Variants in ERBB4 observed in about 807,000 individuals in gnomAD.
ERBB4 encodes erb-b2 receptor tyrosine kinase 4.
ERBB4 carries 42 observed loss-of-function variants against 158.0 expected under a neutral mutation model. The ratio of observed to expected loss-of-function variants is 0.27; its 90% CI spans 0.21 to 0.34. The LOEUF (loss-of-function observed/expected upper bound fraction) is 0.34, where lower values mean the gene tolerates loss of function less well. Ranked by LOEUF, ERBB4 falls within the 10% of genes least tolerant of loss-of-function variation. The pLI, the probability that ERBB4 is intolerant of heterozygous loss-of-function variation, is 1.00. For synonymous variants in ERBB4, 583 were observed against 558.7 expected, an observed-to-expected ratio of 1.04 and a Z score of -0.61; for missense variants, 1,333 against 1,624.1, an observed-to-expected ratio of 0.82 and a Z score of 3.08.
intron 2 of ERBB4, among the ~76,000 whole-genome samples, chr2:212,020,217 A>G (rs2125326143): frequency 6.6e-6 from 1 of 152,234 alleles, no homozygotes; most frequent in African/African-American, 2.4e-5. Context: ...AGATTTCTTC[A>G]AAGTTCAGTA....
intron 25 of ERBB4, among the ~76,000 whole-genome samples, chr2:211,413,347 C>T (rs1287642845): frequency 2.6e-5 from 3 of 116,756 alleles, no homozygotes; most frequent in Admixed American, 8.6e-5. Context: ...CACACACACA[C>T]ATTGATAAAA....
intron 2 of ERBB4, among the ~76,000 whole-genome samples, chr2:211,949,967 T>C (rs2080830210): frequency 6.6e-6 from 1 of 152,138 alleles, no homozygotes; most frequent in South Asian, 2.1e-4. Context: ...AGCACTTTGG[T>C]TTGTTAACTT....
chr2:212,424,439 C>T (rs1194980687), intron 1 of ERBB4, among the ~76,000 whole-genome samples: 1 of 152,060 alleles, frequency 6.6e-6, no homozygotes, highest in African/African-American at 2.4e-5. Context: ...CCAAAAGAAA[C>T]AGGTAAAGTC....
intron 2 of ERBB4, among the ~76,000 whole-genome samples, chr2:212,120,387 C>T (rs2079711888): frequency 1.3e-5 from 2 of 152,158 alleles, no homozygotes; most frequent in South Asian, 4.1e-4. Context: ...ACATGACTCA[C>T]ATGTTTATCT....
intron 3 of ERBB4, among the ~76,000 whole-genome samples, chr2:211,816,432 T>C (rs1172861192): frequency 6.6e-6 from 1 of 150,780 alleles, no homozygotes; most frequent in Non-Finnish European, 1.5e-5. Context: ...TCCCAGTGAC[T>C]TGGGAGGCTG....
At chr2:211,943,111 T>C (rs1259849437) in intron 3 of ERBB4, among the ~76,000 whole-genome samples, 2 of 152,098 alleles carry the variant, frequency 1.3e-5, no homozygotes, top group African/African-American at 4.8e-5. Context: ...TTCCTTTATA[T>C]CTACAATATA....
intron 1 of ERBB4, among the ~76,000 whole-genome samples, chr2:212,419,849 C>T (rs528053500): frequency 1.3e-5 from 2 of 151,790 alleles, no homozygotes; most frequent in African/African-American, 2.4e-5. Context: ...ATTCTTTAAA[C>T]CTTCTTGCAT....
chr2:211,863,017 TCTAG>T (rs1214518097), intron 3 of ERBB4, among the ~76,000 whole-genome samples: 2 of 151,888 alleles, frequency 1.3e-5, no homozygotes, highest in African/African-American at 4.8e-5. Context: ...CAGCACTCTG[TCTAG>T]CTAAAGGATT....
chr2:212,249,104 C>T (rs1429312611), intron 1 of ERBB4, among the ~76,000 whole-genome samples: 2 of 152,056 alleles, frequency 1.3e-5, no homozygotes, highest in South Asian at 2.1e-4. Flanking sequence ...CTTCATTCAA[C>T]TTGCTATTAG....
At position 211,381,545 on chromosome 2, in the gene ERBB4, AT is replaced by A. The variant is rs1017820004; in HGVS notation, c.*2069del. Reference sequence around the variant, plus strand: ...TGTTGGAACGCATAGAAAAATTAAAATGTCATTTTAATTAAATCTCCTAGAT... The same window carrying A: ...TGTTGGAACGCATAGAAAAATTAAAAGTCATTTTAATTAAATCTCCTAGAT... On this transcript the variant is annotated 3_prime_UTR_variant, in exon 28 of 28. Transcript: ENST00000342788. 9 of 231,178 alleles carry A rather than the reference AT, an allele frequency of 3.9e-5. No homozygotes were observed. Among genetic ancestry groups the A allele is most frequent in the Non-Finnish European group, 6.8e-5 (8 of 116,846 alleles). The allele number at this position is 231,178 out of a possible 1,614,324, so 14.3% of individuals were successfully genotyped here. A position where few individuals can be genotyped will look rare whatever the true frequency, so the allele number is the denominator to read the frequency against.
At chr2:212,409,708 C>T (rs910059005) in intron 1 of ERBB4, among the ~76,000 whole-genome samples, 11 of 152,088 alleles carry the variant, frequency 7.2e-5, no homozygotes, top group Admixed American at 2.0e-4. Flanking sequence ...ATTAAATTTG[C>T]AGAATGAGTT....
At chr2:212,486,567 T>C (rs1377304755) in intron 1 of ERBB4, among the ~76,000 whole-genome samples, 1 of 152,186 alleles carries the variant, frequency 6.6e-6, no homozygotes, top group Non-Finnish European at 1.5e-5. Flanking sequence ...TAGTACCTTT[T>C]TTACTGTAAT....
chr2:211,902,350 C>A (rs1183246297), intron 3 of ERBB4, among the ~76,000 whole-genome samples: 1 of 151,800 alleles, frequency 6.6e-6, no homozygotes, highest in Non-Finnish European at 1.5e-5. Context: ...AAACAACAAG[C>A]AAGCATTTTT....
intron 2 of ERBB4, among the ~76,000 whole-genome samples, chr2:212,024,379 A>G (rs1018993362): frequency 6.6e-6 from 1 of 152,024 alleles, no homozygotes; most frequent in Non-Finnish European, 1.5e-5. Flanking sequence ...ATCAGAAGCA[A>G]TAATGTTTCC....
intron 17 of ERBB4, among the ~76,000 whole-genome samples, 185 bp from the exon 18 acceptor site, chr2:211,624,229 T>G (rs1470854207): frequency 6.6e-6 from 1 of 152,150 alleles, no homozygotes; most frequent in East Asian, 1.9e-4. Context: ...ATTTATGCAT[T>G]CTTTCAGACC....
intron 2 of ERBB4, among the ~76,000 whole-genome samples, chr2:212,100,520 G>A (rs1032362817): frequency 2.0e-5 from 3 of 152,128 alleles, no homozygotes. Flanking sequence ...GTATTCATAG[G>A]CATGTTGTTT....
chr2:211,650,043 G>C (rs1165708976), intron 16 of ERBB4, among the ~76,000 whole-genome samples: 1 of 151,706 alleles, frequency 6.6e-6, no homozygotes, highest in Non-Finnish European at 1.5e-5. Context: ...AGAGCAATTT[G>C]AATTAATATC....
intron 3 of ERBB4, among the ~76,000 whole-genome samples, chr2:211,943,496 T>C (rs2080563809): frequency 6.6e-6 from 1 of 151,990 alleles, no homozygotes; most frequent in Non-Finnish European, 1.5e-5. Context: ...GGCCTCAAGA[T>C]AGAGATGATT....
At chr2:211,664,327 A>ATGTGTG (rs113835907) in intron 15 of ERBB4, among the ~76,000 whole-genome samples, 3,542 of 148,916 alleles carry the variant, frequency 0.024, 120 homozygotes, top group African/African-American at 0.078. Flanking sequence ...TCAACTACAA[A>ATGTGTG]TGTGTGTGTG....
Sources: allele counts gnomAD v4.1 joint callset (sites outside exome capture counted in the v4.1 genomes callset), GRCh38; gene constraint gnomAD v4.1.1; transcripts MANE v1.5; gene names NCBI Gene and HGNC (gene_info 2026-07-23, HGNC 2026-07-21).